ABHD3: variants seen among roughly 807,000 people sequenced by gnomAD.
ABHD3 encodes abhydrolase domain containing 3, phospholipase, also known as phospholipase ABHD3.
A neutral mutation model predicts 48.8 loss-of-function variants in ABHD3; 46 were observed. The ratio of observed to expected loss-of-function variants is 0.94; its 90% CI spans 0.74 to 1.20. ABHD3 has a LOEUF of 1.20. Ranked by LOEUF, ABHD3 falls within the 50% of genes most tolerant of loss-of-function variation. The pLI, the probability that ABHD3 is intolerant of heterozygous loss-of-function variation, is 0.00. For synonymous variants in ABHD3, 192 were observed against 183.7 expected, an observed-to-expected ratio of 1.04 and a Z score of -0.36; for missense variants, 490 against 497.8, an observed-to-expected ratio of 0.98 and a Z score of 0.15.
chr18:21,676,110 A>T (rs566726068), intron 4 of ABHD3, among the ~76,000 whole-genome samples: 1 of 152,156 alleles, frequency 6.6e-6, no homozygotes, highest in South Asian at 2.1e-4. Flanking sequence ...TAATACCATC[A>T]CCTTGATGGG....
intron 1 of ABHD3, 121 bp downstream of exon 1, chr18:21,704,383 G>C (rs1216788046): frequency 9.3e-7 from 1 of 1,079,606 alleles, no homozygotes; most frequent in African/African-American, 1.7e-5. Flanking sequence ...CTGCCGCTCG[G>C]GAGCAGCTCG....
rs559601976 is a variant in ABHD3 at position 21,696,381 on chromosome 18, C to T, written c.509+5935G>A. On this transcript the variant is annotated intron_variant, in intron 3 of 8. Coordinates refer to ENST00000289119, the MANE Select transcript of ABHD3 (RefSeq NM_138340.5). ...AGCTAGGATGGTCTCACTCTCCTAA[C>T]CTTGTGATCCGCCTGCCTTGGCTTC... Among the ~76,000 whole-genome samples, 19 of 152,240 alleles carry T rather than the reference C, an allele frequency of 1.2e-4. No individual in the cohort carries two copies. The South Asian group carries it at 3.9e-3, about 32-fold the overall frequency.
At chr18:21,681,702 T>C (rs2040008439) in intron 4 of ABHD3, among the ~76,000 whole-genome samples, 1 of 152,202 alleles carries the variant, frequency 6.6e-6, no homozygotes, top group African/African-American at 2.4e-5. Context: ...TTCCTGTCAC[T>C]TCCAGAAAAG....
intron 8 of ABHD3, among the ~76,000 whole-genome samples, chr18:21,653,447 C>T (rs1194173813): frequency 6.6e-6 from 1 of 151,646 alleles, no homozygotes; most frequent in Non-Finnish European, 1.5e-5. Flanking sequence ...CCTGTCTGGC[C>T]TGAGTATAAC....
intron 4 of ABHD3, among the ~76,000 whole-genome samples, chr18:21,666,399 G>A (rs778028641): frequency 7.9e-5 from 12 of 152,144 alleles, no homozygotes; most frequent in African/African-American, 1.9e-4. Flanking sequence ...TCACCATGTT[G>A]GCCAGGCTGG....
chr18:21,678,162 C>G lies in ABHD3; in HGVS notation c.555+5758G>C, dbSNP rs1212406347. On this transcript the variant is annotated intron_variant, in intron 4 of 8. Coordinates refer to ENST00000289119, the MANE Select transcript of ABHD3 (RefSeq NM_138340.5). ...TAGAGACAAGATCTTACTATGTTGC[C>G]TAGACTGGTCCTGAACTCCTGGACT... Among the ~76,000 whole-genome samples, 5 of 150,908 alleles carry G rather than the reference C, an allele frequency of 3.3e-5. No homozygotes were observed. The Admixed American group carries it at 3.3e-4, about 10-fold the overall frequency.
At chr18:21,656,181 C>CT (rs1020054420) in intron 8 of ABHD3, among the ~76,000 whole-genome samples, 17 of 151,190 alleles carry the variant, frequency 1.1e-4, no homozygotes, top group East Asian at 3.9e-4. Flanking sequence ...GAATAATTTT[C>CT]TTTTTTTTTA....
At chr18:21,660,807 A>G (rs2039475462) in intron 5 of ABHD3, among the ~76,000 whole-genome samples, 1 of 152,136 alleles carries the variant, frequency 6.6e-6, no homozygotes, top group Non-Finnish European at 1.5e-5. Context: ...AACCATATAT[A>G]GGACAATGCT....
chr18:21,659,161 A>G lies in ABHD3; in HGVS notation c.842+9T>C. ...GCCCTGGAGACAACAGATTTTAAAG[A>G]TGACTCACTTATTAACTGAAGACTG... On this transcript the variant is annotated intron_variant, in intron 6 of 8. Coordinates refer to ENST00000289119, the MANE Select transcript of ABHD3 (RefSeq NM_138340.5). The G allele has an allele frequency of 6.2e-7, 1 of 1,609,818 alleles. No individual in the cohort carries two copies. The highest frequency in any genetic ancestry group is 8.5e-7 in the Non-Finnish European group (1 of 1,178,396).
At chr18:21,662,492 T>A (rs1207683399) in intron 5 of ABHD3, 2 of 151,754 alleles carry the variant, frequency 1.3e-5, no homozygotes, top group Non-Finnish European at 2.9e-5. Flanking sequence ...GGGGAGGGGG[T>A]GACACTGATG....
chr18:21,683,785 T>A, intron 4 of ABHD3, 135 bp downstream of exon 4: 2 of 840,144 alleles, frequency 2.4e-6, no homozygotes, highest in Admixed American at 3.8e-5. Context: ...TTTTTCCATA[T>A]CTGTATTTTT....
At chr18:21,683,701 T>C in intron 4 of ABHD3, 1 of 273,998 alleles carries the variant, frequency 3.6e-6, no homozygotes, top group Non-Finnish European at 7.1e-6. Flanking sequence ...ATTTTATTTA[T>C]ATATGAAATC....
chr18:21,662,408 A>G (rs1370568538), intron 5 of ABHD3: 1 of 152,200 alleles, frequency 6.6e-6, no homozygotes, highest in Non-Finnish European at 1.5e-5. Context: ...CACCTGGCCC[A>G]CCTTTTAGAG....
chr18:21,688,441 C>T (rs2040175310), intron 3 of ABHD3, among the ~76,000 whole-genome samples: 1 of 152,116 alleles, frequency 6.6e-6, no homozygotes, highest in Non-Finnish European at 1.5e-5. Context: ...AGATCATGTT[C>T]TAAGCACTTT....
In ABHD3 at chr18:21,664,949, ATAT is replaced by A. The variant is rs540880690; in HGVS notation, c.556-722_556-720del. 4.6e-3 allele frequency among the ~76,000 whole-genome samples: 704 copies of A among 152,124 alleles called. 5 individuals are homozygous for A. The highest frequency in any genetic ancestry group is 0.016 in the African/African-American group (676 of 41,520). ...TGCCTGGCCCAAAGTAACTTTAAAAATATTATTATTTTTGAGATGGAGTTTTGC... is the reference window on the plus strand; with the variant it reads ...TGCCTGGCCCAAAGTAACTTTAAAAATATTATTTTTGAGATGGAGTTTTGC... On this transcript the variant is annotated intron_variant, in intron 4 of 8. Coordinates refer to ENST00000289119, the MANE Select transcript of ABHD3 (RefSeq NM_138340.5).
At chr18:21,677,162 T>C (rs11083274) in intron 4 of ABHD3, among the ~76,000 whole-genome samples, 22,225 of 152,152 alleles carry the variant, frequency 0.15, 1,948 homozygotes, top group Middle Eastern at 0.26. Context: ...TCACTTAGCA[T>C]AATGCTTTCA....
chr18:21,657,839 T>C (rs191597807), intron 6 of ABHD3, among the ~76,000 whole-genome samples: 177 of 152,144 alleles, frequency 1.2e-3, no homozygotes, highest in African/African-American at 4.0e-3. Context: ...ACCTCATAAA[T>C]ATATACACCT....
At chr18:21,667,412 T>C (rs2039659959) in intron 4 of ABHD3, among the ~76,000 whole-genome samples, 1 of 151,744 alleles carries the variant, frequency 6.6e-6, no homozygotes, top group South Asian at 2.1e-4. Context: ...GCCTGGCTAA[T>C]TTTGTATTTT....
chr18:21,678,279 T>C (rs1042051919), intron 4 of ABHD3, among the ~76,000 whole-genome samples: 4 of 152,200 alleles, frequency 2.6e-5, no homozygotes, highest in Non-Finnish European at 4.4e-5. Flanking sequence ...TGTGAGAACA[T>C]ATATTTTCAT....
Sources: allele counts gnomAD v4.1 joint callset (sites outside exome capture counted in the v4.1 genomes callset), GRCh38; gene constraint gnomAD v4.1.1; transcripts MANE v1.5; gene names NCBI Gene and HGNC (gene_info 2026-07-23, HGNC 2026-07-21).